The following LRRC4C variants were observed in gnomAD, a reference collection of about 807,000 sequenced individuals.
LRRC4C encodes the protein leucine-rich repeat-containing protein 4C.
Under a neutral mutation model 33.6 loss-of-function variants are expected in LRRC4C, and 5 were observed. The observed-to-expected ratio is 0.15, with a 90% CI of 0.08 to 0.31. The LOEUF is 0.31. Among genes scored for constraint, LRRC4C ranks in the 10% least tolerant of loss-of-function variants. LRRC4C has a pLI of 1.00. For synonymous variants in LRRC4C, 329 were observed against 302.0 expected, an observed-to-expected ratio of 1.09 and a Z score of -0.93; for missense variants, 560 against 796.7, an observed-to-expected ratio of 0.70 and a Z score of 3.58.
At position 40,630,421 on chromosome 11, in the gene LRRC4C, CTT is replaced by C. The variant is rs1193168840; in HGVS notation, c.-270+17719_-270+17720del. Among the ~76,000 whole-genome samples, 794 of 79,810 alleles carry C rather than the reference CTT, an allele frequency of 9.9e-3. 16 individuals carry two copies. Among genetic ancestry groups the C allele is most frequent in the African/African-American group, 0.024 (772 of 32,268 alleles). 52.4% of individuals were successfully genotyped at this position (79,810 alleles called of 152,430 possible). ...TCCTCTTCCTATTCCTCTTCTTCTT[CTT>C]TTTTTTTTTTGATAGTCAGTTTACC... On this transcript the variant is annotated intron_variant, in intron 3 of 6. Coordinates refer to ENST00000528697, the MANE Select transcript of LRRC4C (RefSeq NM_001258419.2).
intron 3 of LRRC4C, among the ~76,000 whole-genome samples, chr11:40,507,809 A>G (rs1488925270): frequency 3.4e-5 from 5 of 148,702 alleles, no homozygotes; most frequent in African/African-American, 1.2e-4. Context: ...GCACCATCTC[A>G]GCTCACTGCA....
At chr11:40,680,940 T>G (rs1944654173) in intron 2 of LRRC4C, among the ~76,000 whole-genome samples, 1 of 152,204 alleles carries the variant, frequency 6.6e-6, no homozygotes, top group African/African-American at 2.4e-5. Context: ...CACATCTCAA[T>G]TTGAACATGT....
chr11:41,238,570 G>A (rs949004675), intron 1 of LRRC4C, among the ~76,000 whole-genome samples: 1 of 152,120 alleles, frequency 6.6e-6, no homozygotes, highest in Non-Finnish European at 1.5e-5. Context: ...AGGGACTCAA[G>A]CTTCAGCTGC....
At chr11:40,341,474 T>A (rs998943155) in intron 3 of LRRC4C, among the ~76,000 whole-genome samples, 1 of 142,080 alleles carries the variant, frequency 7.0e-6, no homozygotes, top group African/African-American at 2.6e-5. Context: ...CTGCATGTTC[T>A]CACTCATAGG....
At chr11:40,972,944 G>C (rs1426173496) in intron 1 of LRRC4C, among the ~76,000 whole-genome samples, 1 of 152,044 alleles carries the variant, frequency 6.6e-6, no homozygotes, top group Non-Finnish European at 1.5e-5. Context: ...GAATCATGGG[G>C]GCAGTTTCTC....
chr11:40,649,638 TAAGAGAGTAAAGTA>T (rs1366078595), intron 2 of LRRC4C, among the ~76,000 whole-genome samples: 1 of 152,136 alleles, frequency 6.6e-6, no homozygotes, highest in Non-Finnish European at 1.5e-5. Context: ...ATAACAGGAT[TAAGAGAGTAAAGTA>T]AAGACAGGCA....
chr11:41,392,427 A>G (rs1953635340), intron 1 of LRRC4C, among the ~76,000 whole-genome samples: 2 of 151,794 alleles, frequency 1.3e-5, no homozygotes, highest in South Asian at 4.1e-4. Flanking sequence ...TTTCCTCTGT[A>G]GAGGACAACC....
chr11:41,229,407 T>TTGTGGCA (rs1165979889), intron 1 of LRRC4C, among the ~76,000 whole-genome samples: 1 of 152,078 alleles, frequency 6.6e-6, no homozygotes, highest in African/African-American at 2.4e-5. Context: ...TGGTATTCTT[T>TTGTGGCA]TGTGGCAGCC....
intron 1 of LRRC4C, among the ~76,000 whole-genome samples, chr11:41,234,278 T>C (rs1947927665): frequency 6.6e-6 from 1 of 152,040 alleles, no homozygotes; most frequent in Non-Finnish European, 1.5e-5. Context: ...GTACAGCATG[T>C]TGTTTTGAAA....
chr11:40,936,666 C>T (rs1280105548), intron 1 of LRRC4C, among the ~76,000 whole-genome samples: 1 of 152,080 alleles, frequency 6.6e-6, no homozygotes, highest in African/African-American at 2.4e-5. Flanking sequence ...ACTTACCATA[C>T]ATCAGGCACT....
chr11:41,378,006 A>T (rs995045508), intron 1 of LRRC4C, among the ~76,000 whole-genome samples: 3 of 152,186 alleles, frequency 2.0e-5, no homozygotes, highest in African/African-American at 7.2e-5. Context: ...GTTTAACTCC[A>T]TGTTAGTGCT....
intron 1 of LRRC4C, among the ~76,000 whole-genome samples, chr11:41,409,123 T>C (rs1313896555): frequency 1.3e-5 from 2 of 152,164 alleles, no homozygotes; most frequent in Non-Finnish European, 2.9e-5. Flanking sequence ...TGTTCCTTCC[T>C]TTGCACTTGT....
intron 3 of LRRC4C, among the ~76,000 whole-genome samples, chr11:40,536,141 T>G (rs1956461442): frequency 6.6e-6 from 1 of 152,186 alleles, no homozygotes; most frequent in Non-Finnish European, 1.5e-5. Context: ...CTTAGGCTCT[T>G]CCCTAGAATT....
chr11:40,376,164 T>C (rs924258088), intron 3 of LRRC4C, among the ~76,000 whole-genome samples: 1 of 152,178 alleles, frequency 6.6e-6, no homozygotes, highest in Non-Finnish European at 1.5e-5. Context: ...ACAAAAATGT[T>C]TTATCTGTAG....
chr11:41,195,137 A>G (rs894709469), intron 1 of LRRC4C, among the ~76,000 whole-genome samples: 2 of 152,010 alleles, frequency 1.3e-5, no homozygotes, highest in African/African-American at 4.8e-5. Context: ...TTCTCCTCAT[A>G]GGCCCCTCCA....
At chr11:40,898,364 A>AAAAAAAG (rs1464926063) in intron 2 of LRRC4C, among the ~76,000 whole-genome samples, 1 of 147,084 alleles carries the variant, frequency 6.8e-6, no homozygotes, top group Non-Finnish European at 1.5e-5. Flanking sequence ...AAAAAAAAAA[A>AAAAAAAG]AAAAAAAAGA....
intron 1 of LRRC4C, among the ~76,000 whole-genome samples, chr11:41,276,318 A>C (rs1254344870): frequency 6.6e-6 from 1 of 152,200 alleles, no homozygotes; most frequent in Non-Finnish European, 1.5e-5. Context: ...CACACAGGAC[A>C]GCCAGCCTGT....
intron 1 of LRRC4C, among the ~76,000 whole-genome samples, chr11:41,238,677 T>C (rs1438702264): frequency 6.6e-6 from 1 of 152,202 alleles, no homozygotes; most frequent in African/African-American, 2.4e-5. Flanking sequence ...GAAACAGATT[T>C]GTCATGACAC....
At chr11:40,529,972 T>G (rs1348653860) in intron 3 of LRRC4C, among the ~76,000 whole-genome samples, 1 of 152,092 alleles carries the variant, frequency 6.6e-6, no homozygotes, top group Non-Finnish European at 1.5e-5. Flanking sequence ...AGTATAATTT[T>G]AAAAAATAAG....
Sources: gnomAD v4.1 joint callset for allele counts (sites outside exome capture counted in the v4.1 genomes callset) on GRCh38, gnomAD v4.1.1 for gene constraint, MANE v1.5 for transcripts, NCBI Gene and HGNC (gene_info 2026-07-23, HGNC 2026-07-21) for gene names.